ITIH1: variants seen among roughly 807,000 people sequenced by gnomAD.
ITIH1 encodes the protein inter-alpha-trypsin inhibitor heavy chain 1, also known as inter-alpha-trypsin inhibitor heavy chain H1.
ITIH1 carries 94 observed loss-of-function variants against 104.6 expected under a neutral mutation model. The ratio of observed to expected loss-of-function variants is 0.90; its 90% confidence interval spans 0.76 to 1.07. The LOEUF (loss-of-function observed/expected upper bound fraction) is 1.07, where lower values mean the gene tolerates loss of function less well. Ranked by LOEUF, ITIH1 falls within the 50% of genes least tolerant of loss-of-function variation. The probability of loss-of-function intolerance (pLI) is 0.00; values close to 1 mark genes in which losing one functional copy is unlikely to be tolerated. For synonymous variants in ITIH1, 455 were observed against 464.4 expected (o/e 0.98, Z 0.26); for missense variants, 1,193 against 1,181.4 (o/e 1.01, Z -0.14).
rs377665857 is a variant in ITIH1 at position 52,787,059 on chromosome 3, C to T, written c.1848C>T (p.Asp616=). Residue 616 remains aspartate, a synonymous_variant, in exon 14 of 22, where the codon GAC becomes GAT. Transcript: ENST00000273283. ...LTSMSIRGMA[D]QDGLKPTIDK... ...CCATGAGCATCAGGGGCATGGCGGA[C>T]CAGGACGGCCTGAAGCCCACCATCG... is the stretch of plus-strand genomic sequence containing the variant. 2 of 1,614,150 alleles carry T rather than the reference C, an allele frequency of 1.2e-6. No individual in the cohort carries two copies. The highest frequency in any genetic ancestry group is 1.7e-6 in the Non-Finnish European group (2 of 1,180,016).
chr3:52,778,118 C>A, intron 2 of ITIH1, 101 bp downstream of exon 2: 1 of 1,345,828 alleles, frequency 7.4e-7, no homozygotes, highest in Non-Finnish European at 1.1e-6. Context: ...GGGCCATAGG[C>A]ATGGGGTACT....
intron 3 of ITIH1, 25 bp downstream of exon 3, chr3:52,778,531 C>G (rs752882910): frequency 6.2e-7 from 1 of 1,613,080 alleles, no homozygotes; most frequent in East Asian, 2.2e-5. Context: ...AACTCCCATG[C>G]CTTCTCCCAG....
chr3:52,781,249 T>C (rs1274917925), intron 6 of ITIH1, among the ~76,000 whole-genome samples: 1 of 123,376 alleles, frequency 8.1e-6, no homozygotes, highest in Non-Finnish European at 1.7e-5. Context: ...TTCTTCTTCT[T>C]CTTCTTCTTC....
At chr3:52,782,816 T>C (rs990052540) in intron 8 of ITIH1, 141 bp from the exon 9 acceptor site, 1 of 780,740 alleles carries the variant, frequency 1.3e-6, no homozygotes, top group African/African-American at 1.7e-5. Context: ...AGGATGCTCC[T>C]GTCTCGGGGC....
intron 13 of ITIH1, 36 bp downstream of exon 13, chr3:52,786,470 C>T (rs777726172): frequency 1.9e-6 from 3 of 1,551,612 alleles, no homozygotes; most frequent in Non-Finnish European, 2.6e-6. Flanking sequence ...TGGGCACTGC[C>T]CACCCCAGAG....
chr3:52,784,145 C>G (rs909585786), intron 10 of ITIH1, 151 bp from the exon 11 acceptor site: 2 of 660,910 alleles, frequency 3.0e-6, no homozygotes, highest in Non-Finnish European at 5.2e-6. Context: ...CCCAGGAGAG[C>G]CAGGAGGACG....
chr3:52,777,924 C>T, intron 1 of ITIH1, 73 bp from the exon 2 acceptor site: 1 of 1,577,496 alleles, frequency 6.3e-7, no homozygotes, highest in Non-Finnish European at 8.7e-7. Flanking sequence ...GTGTTCCACT[C>T]CCATCCCTGA....
Position 52,790,737 on chromosome 3 carries a change from C to A in ITIH1, c.2322-12C>A, listed in dbSNP as rs767648757. ...CAGCCGCACCTGCCCTCTCGGCCACCTGGCTCTGCAGGGTGGTGGTGACCA... is the reference window on the plus strand; with the variant it reads ...CAGCCGCACCTGCCCTCTCGGCCACATGGCTCTGCAGGGTGGTGGTGACCA... On this transcript the variant is annotated splice_polypyrimidine_tract_variant and intron_variant, in intron 19 of 21. Transcript: ENST00000273283. 1.2e-6 allele frequency: 2 copies of A among 1,608,624 alleles called. No homozygotes were observed. The highest frequency in any genetic ancestry group is 8.5e-7 in the Non-Finnish European group (1 of 1,178,060).
In ITIH1 at chr3:52,787,210, T is replaced by G. The variant is rs1272740529; in HGVS notation, c.1903+8T>G. 1.9e-6 allele frequency: 3 copies of G among 1,613,896 alleles called. No homozygotes were observed. The South Asian group carries it at 3.3e-5, about 18-fold the overall frequency. ...CAGATTCTCCGCCTTTGGGTGAGTT[T>G]TAAATTGCATTAGTTTCAGTTCTGG... is the stretch of plus-strand genomic sequence containing the variant. On this transcript the variant is annotated splice_region_variant and intron_variant, in intron 15 of 21. Transcript: ENST00000273283.
rs1559461131 is a variant in ITIH1 at position 52,781,203 on chromosome 3, T to TC, written c.688-737_688-736insC. 6.8e-4 allele frequency among the ~76,000 whole-genome samples: 84 copies of TC among 122,710 alleles called. 2 individuals are homozygous for TC. The highest frequency in any genetic ancestry group is 1.5e-3 in the African/African-American group (41 of 27,412). 80.5% of individuals were successfully genotyped at this position (122,710 alleles called of 152,430 possible). On this transcript the variant is annotated intron_variant, in intron 6 of 21. Coordinates refer to ENST00000273283, the MANE Select transcript of ITIH1 (RefSeq NM_002215.4). ...TCCTTCACCTCCTCCTCTTCTTTTT[T>TC]TTTTTTTCTTCTTCTTCTTCTTCTT... is the stretch of plus-strand genomic sequence containing the variant.
Position 52,779,858 on chromosome 3 carries a change from G to C in ITIH1, c.573+264G>C. ...GTCCCAGGACCGCCACAGGGATCACGAGAAGTACTGAATGTCCAGGTAATT... is the reference window on the plus strand; with the variant it reads ...GTCCCAGGACCGCCACAGGGATCACCAGAAGTACTGAATGTCCAGGTAATT... On this transcript the variant is annotated intron_variant, in intron 5 of 21. Transcript: ENST00000273283. This position sits in a 1 kb window ranked among gnomAD's most constrained non-coding sequence, Gnocchi z 4.4. 1 of 1,364,952 alleles carries C rather than the reference G, an allele frequency of 7.3e-7. No individual in the cohort carries two copies. Among genetic ancestry groups the C allele is most frequent in the Non-Finnish European group, 9.6e-7 (1 of 1,045,316 alleles). 84.6% of individuals were successfully genotyped at this position (1,364,952 alleles called of 1,614,324 possible). A position where few individuals can be genotyped will look rare whatever the true frequency, so the allele number is the denominator to read the frequency against.
Position 52,784,380 on chromosome 3 carries a change from A to T in ITIH1, c.1310A>T (p.His437Leu). The T allele has an allele frequency of 6.2e-7, 1 of 1,614,206 alleles. No individual in the cohort carries two copies. Among genetic ancestry groups the T allele is most frequent in the Non-Finnish European group, 8.5e-7 (1 of 1,180,014 alleles). Residue 437 changes from histidine to leucine, a missense_variant, in exon 11 of 22, where the codon CAC becomes CTC. Physicochemically the swap from His to Leu is moderately conservative, Grantham distance 99. Transcript: ENST00000273283. Reference sequence around the variant, plus strand: ...CCGCTCTACAACCTGGGTTTCGGCCACAATGTGGACTTTAACTTTCTGGAG... The same window carrying T: ...CCGCTCTACAACCTGGGTTTCGGCCTCAATGTGGACTTTAACTTTCTGGAG... ...RFPLYNLGFGHNVDFNFLEVM... is the reference protein window; with the variant it reads ...RFPLYNLGFGLNVDFNFLEVM...
intron 13 of ITIH1, 109 bp downstream of exon 13, chr3:52,786,543 C>A (rs1454120511): frequency 9.3e-7 from 1 of 1,073,946 alleles, no homozygotes; most frequent in East Asian, 2.6e-5. Flanking sequence ...GTCAGATTTA[C>A]TTTCCTCTTC....
chr3:52,787,987 G>A lies in ITIH1; in HGVS notation c.1926G>A (p.Thr642=), dbSNP rs372122244. ...PPLEMLGPRR[T]FVLSALQPSP... Reference sequence around the variant, plus strand: ...AAATGCCACTCCCCCTCCCATCAGCGTTCGTGCTGTCAGCCTTGCAGCCTT... The same window carrying A: ...AAATGCCACTCCCCCTCCCATCAGCATTCGTGCTGTCAGCCTTGCAGCCTT... The change falls in exon 17 of 22, where the codon ACG becomes ACA. Residue 642 remains threonine (T), a splice_region_variant and synonymous_variant. Coordinates refer to ENST00000273283, the MANE Select transcript of ITIH1 (RefSeq NM_002215.4). 16 of 1,613,638 alleles carry A rather than the reference G, an allele frequency of 9.9e-6. No individual in the cohort carries two copies. The highest frequency in any genetic ancestry group is 8.9e-5 in the East Asian group (4 of 44,872).
rs1271287810 is a variant in ITIH1 at position 52,777,666 on chromosome 3, A to G, written c.51A>G (p.Val17=). ...PRGLLLCMYL[V]SLLILQAMPA... is the part of the protein sequence containing the mutation. ...GGCTGCTGTTGTGCATGTACCTGGT[A>G]TCTCTCCTCATCCTGCAGGCCATGC... The change falls in exon 1 of 22, where the codon GTA becomes GTG. Residue 17 remains valine, a synonymous_variant. Transcript: ENST00000273283. 6.2e-7 allele frequency: 1 copy of G among 1,606,268 alleles called. No individual in the cohort carries two copies. The highest frequency in any genetic ancestry group is 8.5e-7 in the Non-Finnish European group (1 of 1,176,594).
At position 52,783,113 on chromosome 3, in the gene ITIH1, T is replaced by C; in HGVS notation, c.1087T>C (p.Ser363Pro). The change falls in exon 9 of 22, where the codon TCC (serine) becomes CCC (proline). Residue 363 changes from serine to proline, a missense_variant. Transcript: ENST00000273283. Reference protein sequence around the residue: ...QAAQDFVRGFSLDEATNLNGG... With the variant: ...QAAQDFVRGFPLDEATNLNGG... ...AGCTCAAGACTTTGTGCGGGGCTTT[T>C]CCCTGGATGAGGGTAAGGGTGGGGG... is the stretch of plus-strand genomic sequence containing the variant. The C allele has an allele frequency of 6.2e-7, 1 of 1,614,088 alleles. No individual in the cohort carries two copies. The highest frequency in any genetic ancestry group is 8.5e-7 in the Non-Finnish European group (1 of 1,180,010).
At position 52,784,178 on chromosome 3, in the gene ITIH1, G is replaced by GC. The variant is rs1699138003; in HGVS notation, c.1226-116dup. The GC allele has an allele frequency of 9.2e-6, 8 of 871,806 alleles. No homozygotes were observed. The Admixed American group carries it at 2.2e-4, about 24-fold the overall frequency. 54.0% of individuals were successfully genotyped at this position (871,806 alleles called of 1,614,324 possible). A position where few individuals can be genotyped will look rare whatever the true frequency, so the allele number is the denominator to read the frequency against. On this transcript the variant is annotated intron_variant, in intron 10 of 21. Transcript: ENST00000273283. ...ACGCGATGCCTCAGGATGCCCAGGA[G>GC]CCTGGAGATGCTCTGAGATGGAAGG...
intron 11 of ITIH1, 29 bp from the exon 12 acceptor site, chr3:52,785,015 C>G (rs1288000948): frequency 6.2e-7 from 1 of 1,611,704 alleles, no homozygotes; most frequent in South Asian, 1.1e-5. Context: ...GGGTGCTCAG[C>G]TCTAAGGCTG....
In ITIH1 at chr3:52,780,389, G is replaced by C. The variant is rs963568417; in HGVS notation, c.687+7G>C. The stretch of plus-strand genomic sequence containing the variant: ...GTCCTTCTCAGGAAAAAAGGTACAT[G>C]GGATAGCAAGGGGGTGGTGGTGGGC... On this transcript the variant is annotated splice_region_variant and intron_variant, in intron 6 of 21. Coordinates refer to ENST00000273283, the MANE Select transcript of ITIH1 (RefSeq NM_002215.4). 6.3e-7 allele frequency: 1 copy of C among 1,591,260 alleles called. No homozygotes were observed. Among genetic ancestry groups the C allele is most frequent in the Non-Finnish European group, 8.6e-7 (1 of 1,160,272 alleles).
Sources: allele counts gnomAD v4.1 joint callset (sites outside exome capture counted in the v4.1 genomes callset), GRCh38; gene constraint gnomAD v4.1.1; non-coding constraint Gnocchi (gnomAD v3.1); transcripts MANE v1.5; gene names NCBI Gene and HGNC (gene_info 2026-07-23, HGNC 2026-07-21).